CHI3L2: variants seen among roughly 807,000 people sequenced by gnomAD.
CHI3L2 encodes the protein chitinase-3-like protein 2.
In CHI3L2, 47 loss-of-function variants were observed where a neutral mutation model predicts 47.3. The ratio of observed to expected loss-of-function variants is 0.99; its 90% CI spans 0.79 to 1.27. The LOEUF is 1.27. CHI3L2 is among the 50% of genes most tolerant of loss of function. The pLI is 0.00. For synonymous variants in CHI3L2, 198 were observed against 169.9 expected, an observed-to-expected ratio of 1.17 and a Z score of -1.28; for missense variants, 497 against 462.1, an observed-to-expected ratio of 1.08 and a Z score of -0.69.
intron 2 of CHI3L2, among the ~76,000 whole-genome samples, chr1:111,230,263 A>C (rs905476611): frequency 1.3e-5 from 2 of 151,198 alleles, no homozygotes; most frequent in African/African-American, 4.9e-5. Context: ...TTTTTTTTTA[A>C]ATTTTTTTGA....
intron 4 of CHI3L2, among the ~76,000 whole-genome samples, chr1:111,232,723 A>G (rs1428612397): frequency 6.6e-6 from 1 of 152,214 alleles, no homozygotes; most frequent in Non-Finnish European, 1.5e-5. Context: ...GAATAATTAT[A>G]TATGTGTAAT....
rs746161588 is a variant in CHI3L2 at position 111,236,062 on chromosome 1, A to G, written c.644A>G (p.His215Arg). 87 of 1,614,212 alleles carry G rather than the reference A, an allele frequency of 5.4e-5. 1 individual carries two copies. In the South Asian group the frequency reaches 9.0e-4, roughly 17 times the overall value. The change falls in exon 7 of 11, where the codon CAT becomes CGT. Residue 215 changes from histidine (H) to arginine (R), a missense_variant. By Grantham distance (29) the His-to-Arg change is conservative. Coordinates refer to ENST00000369748, the MANE Select transcript of CHI3L2 (RefSeq NM_004000.3). ...DFINLLSFDF[H>R]GSWEKPLITG... is the part of the protein sequence containing the mutation. ...ATCAACCTCCTGTCCTTTGACTTCC[A>G]TGGGTCTTGGGAAAAGCCCCTTATC...
chr1:111,236,400 G>A (rs1429789686), intron 7 of CHI3L2, among the ~76,000 whole-genome samples: 1 of 152,188 alleles, frequency 6.6e-6, no homozygotes, highest in Non-Finnish European at 1.5e-5. Flanking sequence ...GGCTCAGAGT[G>A]TCCCCCATCC....
chr1:111,232,463 T>G (rs1481988592), intron 4 of CHI3L2, among the ~76,000 whole-genome samples: 1 of 152,228 alleles, frequency 6.6e-6, no homozygotes, highest in East Asian at 1.9e-4. Flanking sequence ...GGATTTCCCT[T>G]TAGATGCATG....
chr1:111,235,890 A>C, intron 6 of CHI3L2, 127 bp downstream of exon 6: 3 of 1,539,012 alleles, frequency 1.9e-6, no homozygotes, highest in Non-Finnish European at 2.6e-6. Context: ...ACCCTGCATC[A>C]TTCAGCCAGG....
intron 3 of CHI3L2, 91 bp downstream of exon 3, chr1:111,231,034 T>A: frequency 5.6e-6 from 6 of 1,066,286 alleles, no homozygotes; most frequent in Non-Finnish European, 8.5e-6. Context: ...ATCTCATTCA[T>A]TCATTCATTC....
In CHI3L2 at chr1:111,242,349, C is replaced by A. The variant is rs1442069637; in HGVS notation, c.1158C>A (p.Ser386Arg). The change falls in exon 10 of 11, where the codon AGC becomes AGA. Residue 386 changes from serine (S) to arginine (R), a missense_variant. Physicochemically the swap from Ser to Arg is moderately radical, Grantham distance 110. Coordinates refer to ENST00000369748, the MANE Select transcript of CHI3L2 (RefSeq NM_004000.3). The stretch of plus-strand genomic sequence containing the variant: ...CTCTTGTCCAAGCAGTCAAGAGAAG[C>A]CTTGGCTCCCTGTGAAGGTAACAGT... The part of the protein sequence containing the change: ...PYPLVQAVKR[S>R]LGSL 6.2e-7 allele frequency: 1 copy of A among 1,608,374 alleles called. No homozygotes were observed.
At chr1:111,235,513 TG>T (rs1157846004) in intron 5 of CHI3L2, 125 bp from the exon 6 acceptor site, 4 of 1,097,726 alleles carry the variant, frequency 3.6e-6, no homozygotes, top group Non-Finnish European at 1.3e-6. Flanking sequence ...CCATGTGGGG[TG>T]GGGAGGAAAG....
intron 7 of CHI3L2, among the ~76,000 whole-genome samples, chr1:111,236,450 G>A (rs1000596071): frequency 6.8e-6 from 1 of 147,362 alleles, no homozygotes; most frequent in Non-Finnish European, 1.5e-5. Context: ...ACATTTCTTG[G>A]CATCTACACA....
chr1:111,233,673 C>A (rs938591381), intron 4 of CHI3L2, among the ~76,000 whole-genome samples: 1 of 152,040 alleles, frequency 6.6e-6, no homozygotes. Flanking sequence ...GCCCGGCCAC[C>A]ACCCCGTCTG....
intron 4 of CHI3L2, among the ~76,000 whole-genome samples, chr1:111,233,760 G>T (rs915889456): frequency 6.6e-6 from 1 of 151,930 alleles, no homozygotes; most frequent in Non-Finnish European, 1.5e-5. Context: ...GGGGGGAAAG[G>T]TGGGGAAAAG....
Position 111,235,755 on chromosome 1 carries a change from A to C in CHI3L2, c.597A>C (p.Lys199Asn). 1.2e-6 allele frequency: 2 copies of C among 1,613,720 alleles called. No individual in the cohort carries two copies. Among genetic ancestry groups the C allele is most frequent in the Non-Finnish European group, 1.7e-6 (2 of 1,179,824 alleles). Residue 199 changes from lysine to asparagine, a missense_variant, in exon 6 of 11, where the codon AAA becomes AAC. Lys to Asn is a moderately conservative substitution (Grantham distance 94). Coordinates refer to ENST00000369748, the MANE Select transcript of CHI3L2 (RefSeq NM_004000.3). ...QMIDNSYQVEKLAKDLDFINL... is the reference protein window; with the variant it reads ...QMIDNSYQVENLAKDLDFINL... ...TTGATAACAGCTATCAAGTTGAGAA[A>C]CTGGCAAAGTGAGTACATCAGAGCA...
At chr1:111,241,742 C>T (rs75126496) in intron 9 of CHI3L2, among the ~76,000 whole-genome samples, 11 of 152,060 alleles carry the variant, frequency 7.2e-5, no homozygotes, top group Non-Finnish European at 1.2e-4. Context: ...ATAAAGGAGA[C>T]GTTGGTGCCT....
At chr1:111,231,453 G>A (rs1466564931) in intron 4 of CHI3L2, 159 bp downstream of exon 4, 1 of 599,416 alleles carries the variant, frequency 1.7e-6, no homozygotes. Flanking sequence ...CAGAGGAACA[G>A]CATTAGGTTT....
chr1:111,227,825 A>G, intron 1 of CHI3L2, 56 bp downstream of exon 1: 1 of 1,508,614 alleles, frequency 6.6e-7, no homozygotes, highest in African/African-American at 1.4e-5. Flanking sequence ...AAGAGGTAAC[A>G]GGTCTGTAGA....
intron 8 of CHI3L2, among the ~76,000 whole-genome samples, chr1:111,239,536 G>C (rs1186668132): frequency 6.6e-6 from 1 of 152,130 alleles, no homozygotes; most frequent in Non-Finnish European, 1.5e-5. Context: ...TGCAGAGGAA[G>C]GGGAACATAT....
chr1:111,234,059 G>C (rs1484369278), intron 4 of CHI3L2, among the ~76,000 whole-genome samples: 1 of 150,230 alleles, frequency 6.7e-6, no homozygotes, highest in South Asian at 2.1e-4. Flanking sequence ...CACTGCGGAA[G>C]GCCGCAGGGT....
At chr1:111,242,023 C>T (rs1445939301) in intron 9 of CHI3L2, among the ~76,000 whole-genome samples, 1 of 152,172 alleles carries the variant, frequency 6.6e-6, no homozygotes, top group African/African-American at 2.4e-5. Context: ...TGTGGTGACT[C>T]AAGTCAGAAT....
chr1:111,237,473 G>A (rs370572028), intron 7 of CHI3L2, among the ~76,000 whole-genome samples: 3 of 152,228 alleles, frequency 2.0e-5, no homozygotes, highest in East Asian at 1.9e-4. Flanking sequence ...TGTGTTGCAT[G>A]TTTCCAGGCC....
Sources: allele counts gnomAD v4.1 joint callset (sites outside exome capture counted in the v4.1 genomes callset), GRCh38; gene constraint gnomAD v4.1.1; transcripts MANE v1.5; gene names NCBI Gene and HGNC (gene_info 2026-07-23, HGNC 2026-07-21).